The following HHLA2 variants were observed in gnomAD, a reference collection of about 807,000 sequenced individuals.
HHLA2 encodes the protein HERV-H LTR-associating protein 2.
HHLA2 carries 48 observed loss-of-function variants against 45.9 expected under a neutral mutation model. The ratio of observed to expected loss-of-function variants is 1.05; its 90% CI spans 0.83 to 1.33. HHLA2 has a LOEUF of 1.33. Ranked by LOEUF, HHLA2 falls within the 40% of genes most tolerant of loss-of-function variation. The pLI is 0.00. For synonymous variants in HHLA2, 161 were observed against 173.9 expected, an observed-to-expected ratio of 0.93 and a Z score of 0.59; for missense variants, 462 against 494.3, an observed-to-expected ratio of 0.93 and a Z score of 0.62.
At chr3:108,369,710 C>G (rs1318821959) in intron 8 of HHLA2, among the ~76,000 whole-genome samples, 2 of 152,162 alleles carry the variant, frequency 1.3e-5, no homozygotes, top group East Asian at 1.9e-4. Context: ...GAGTCTCGCT[C>G]ATTGCTAGCA....
intron 5 of HHLA2, 33 bp downstream of exon 4, chr3:108,353,813 A>C (rs776199379): frequency 1.3e-6 from 2 of 1,489,656 alleles, no homozygotes; most frequent in East Asian, 4.6e-5. Context: ...ATGAAACAGC[A>C]ATGACATCAT....
chr3:108,371,930 T>C (rs994688597), intron 8 of HHLA2, among the ~76,000 whole-genome samples: 2 of 152,194 alleles, frequency 1.3e-5, no homozygotes, highest in South Asian at 2.1e-4. Context: ...GACAGAAAGT[T>C]AACAAGGATA....
chr3:108,372,311 G>T (rs2082191849), intron 8 of HHLA2, among the ~76,000 whole-genome samples: 1 of 151,324 alleles, frequency 6.6e-6, no homozygotes, highest in Admixed American at 6.6e-5. Context: ...AGAATCTCTG[G>T]GACACATTCA....
At chr3:108,329,724 A>G (rs1304869372) in intron 3 of HHLA2, among the ~76,000 whole-genome samples, 1 of 152,120 alleles carries the variant, frequency 6.6e-6, no homozygotes, top group Non-Finnish European at 1.5e-5. Context: ...GGGCGTGTTA[A>G]CTTCTGCTGC....
intron 1 of HHLA2, among the ~76,000 whole-genome samples, chr3:108,301,097 T>C (rs2080840937): frequency 6.6e-6 from 1 of 152,194 alleles, no homozygotes; most frequent in Non-Finnish European, 1.5e-5. Flanking sequence ...ATCTTGGAGT[T>C]AGTCTCCTTA....
chr3:108,377,108 G>T, intron 10 of HHLA2, 150 bp from the exon 10 acceptor site: 1 of 609,074 alleles, frequency 1.6e-6, no homozygotes, highest in South Asian at 2.1e-5. Flanking sequence ...TTTTATAATG[G>T]TCTCATGGAT....
intron 1 of HHLA2, among the ~76,000 whole-genome samples, chr3:108,300,588 G>C (rs1394135674): frequency 6.6e-6 from 1 of 152,122 alleles, no homozygotes; most frequent in Non-Finnish European, 1.5e-5. Context: ...TTTCGTCTGG[G>C]TTTAGCGGTG....
At chr3:108,339,529 G>A (rs536230718) in intron 3 of HHLA2, among the ~76,000 whole-genome samples, 1 of 151,936 alleles carries the variant, frequency 6.6e-6, no homozygotes, top group Admixed American at 6.6e-5. Flanking sequence ...TAGAATTATG[G>A]TGTATTACTA....
rs1181198114 is a variant in HHLA2, at chr3:108,353,569, T to C, written c.207T>C (p.Tyr69=). The C allele has an allele frequency of 2.5e-6, 4 of 1,613,550 alleles. No individual in the cohort carries two copies. In the East Asian group the frequency reaches 6.7e-5, roughly 27 times the overall value. Residue 69 remains tyrosine, a synonymous_variant, in exon 5 of 11, where the codon TAT becomes TAC. Transcript: ENST00000619531. The stretch of plus-strand genomic sequence containing the variant: ...TACACTGGAAGTATCAAGATAGCTA[T>C]AAGGTTCACAGTTACTACAAAGGCA...
intron 7 of HHLA2, among the ~76,000 whole-genome samples, chr3:108,359,775 T>C (rs142687803): frequency 0.018 from 2,788 of 152,304 alleles, 37 homozygotes; most frequent in Non-Finnish European, 0.03. Flanking sequence ...ATCTCTCCTT[T>C]ATATAGGTAC....
intron 2 of HHLA2, among the ~76,000 whole-genome samples, chr3:108,321,802 T>C (rs1361476861): frequency 2.0e-5 from 3 of 152,132 alleles, no homozygotes; most frequent in African/African-American, 7.2e-5. Context: ...AAATCTTTTT[T>C]GCTTATTTTC....
At chr3:108,317,969 G>A (rs2081131982) in intron 2 of HHLA2, among the ~76,000 whole-genome samples, 1 of 151,998 alleles carries the variant, frequency 6.6e-6, no homozygotes, top group Non-Finnish European at 1.5e-5. Flanking sequence ...ATCACCTGAG[G>A]TCGGGAATTC....
intron 3 of HHLA2, among the ~76,000 whole-genome samples, chr3:108,328,786 G>A (rs2107371370): frequency 6.6e-6 from 1 of 152,254 alleles, no homozygotes; most frequent in South Asian, 2.1e-4. Flanking sequence ...GAAAATTGCA[G>A]TAGTAGTTGT....
At chr3:108,314,327 C>G (rs1487156316) in intron 2 of HHLA2, among the ~76,000 whole-genome samples, 1 of 130,142 alleles carries the variant, frequency 7.7e-6, no homozygotes, top group African/African-American at 3.0e-5. Context: ...AATCCATGGC[C>G]CTATACTGTC....
intron 1 of HHLA2, among the ~76,000 whole-genome samples, chr3:108,299,047 T>G (rs1057280895): frequency 2.0e-5 from 3 of 152,218 alleles, no homozygotes; most frequent in Admixed American, 6.5e-5. Context: ...CAAGAACACC[T>G]TCTGAAGGTG....
chr3:108,298,417 C>T (rs1167663891), intron 1 of HHLA2, among the ~76,000 whole-genome samples: 1 of 152,166 alleles, frequency 6.6e-6, no homozygotes, highest in Middle Eastern at 3.2e-3. Flanking sequence ...CACACCTTTC[C>T]TTGGTATTCA....
intron 7 of HHLA2, among the ~76,000 whole-genome samples, chr3:108,359,342 C>T (rs2081951271): frequency 6.6e-6 from 1 of 151,976 alleles, no homozygotes. Flanking sequence ...AAATGTTGGC[C>T]AGGTGGGGCT....
intron 2 of HHLA2, among the ~76,000 whole-genome samples, chr3:108,321,091 TAAAAAAAAA>T (rs67374827): frequency 2.0e-5 from 2 of 101,428 alleles, no homozygotes; most frequent in African/African-American, 7.2e-5. Context: ...TCCAGGTGTT[TAAAAAAAAA>T]AAAAAAAAAA....
intron 3 of HHLA2, among the ~76,000 whole-genome samples, chr3:108,340,893 TTC>T (rs1327808083): frequency 5.5e-5 from 1 of 18,218 alleles, no homozygotes; most frequent in Non-Finnish European, 1.0e-4. Flanking sequence ...CCAAACTCTT[TTC>T]TTTTTTTTTT....
Sources: allele counts gnomAD v4.1 joint callset (sites outside exome capture counted in the v4.1 genomes callset), GRCh38; gene constraint gnomAD v4.1.1; transcripts MANE v1.5; gene names NCBI Gene and HGNC (gene_info 2026-07-23, HGNC 2026-07-21).